The following AKAP17A variants were observed in gnomAD, a reference collection of about 807,000 sequenced individuals.
The protein encoded by AKAP17A is A-kinase anchor protein 17A.
In AKAP17A, 15 loss-of-function variants were observed where a neutral mutation model predicts 52.2. That is an observed-to-expected ratio of 0.29 (90% CI 0.19 to 0.44). The LOEUF (loss-of-function observed/expected upper bound fraction) is 0.44. Ranked by LOEUF, AKAP17A falls within the 20% of genes least tolerant of loss-of-function variation. AKAP17A has a pLI of 1.00. For missense variants in AKAP17A, 1,060 were observed against 1,007.0 expected (o/e 1.05, Z -0.71); for synonymous variants, 514 against 424.7 (o/e 1.21, Z -2.58).
Position 1,599,367 on chromosome X carries a change from C to T in AKAP17A, c.1087C>T (p.Leu363=). Reference sequence around the variant, plus strand: ...GAAGATCAAGCTGGAGGAGCGCAAGCTGCTGCTGGCCCAGAGGAACCTGCA... The same window carrying T: ...GAAGATCAAGCTGGAGGAGCGCAAGTTGCTGCTGGCCCAGAGGAACCTGCA... ...QEKIKLEERK[L]LLAQRNLQSI... Residue 363 remains leucine (L), a synonymous_variant, in exon 4 of 5, where the codon CTG becomes TTG. Coordinates refer to ENST00000313871, the MANE Select transcript of AKAP17A (RefSeq NM_005088.3). 1 of 1,587,354 alleles carries T rather than the reference C, an allele frequency of 6.3e-7. No individual in the cohort carries two copies. The highest frequency in any genetic ancestry group is 8.6e-7 in the Non-Finnish European group (1 of 1,168,026).
chrX:1,596,246 A>G (rs1405406078), intron 3 of AKAP17A, among the ~76,000 whole-genome samples: 2 of 150,328 alleles, frequency 1.3e-5, no homozygotes, highest in African/African-American at 4.9e-5. Context: ...AAAAAAAACA[A>G]AAAACCAATG....
chrX:1,597,897 T>G (rs188526225), intron 3 of AKAP17A, among the ~76,000 whole-genome samples: 1 of 151,986 alleles, frequency 6.6e-6, no homozygotes, highest in Non-Finnish European at 1.5e-5. Flanking sequence ...GCAGGCCTGT[T>G]GTCTGGGGGA....
intron 3 of AKAP17A, among the ~76,000 whole-genome samples, chrX:1,597,368 C>A (rs1362052256): frequency 3.3e-5 from 5 of 152,158 alleles, no homozygotes; most frequent in African/African-American, 1.2e-4. Context: ...CGTCAGGATT[C>A]CCAGGACCTA....
Position 1,593,428 on chromosome X carries a change from G to A in AKAP17A, c.-19-16G>A. The A allele has an allele frequency of 6.3e-7, 1 of 1,591,514 alleles. No individual in the cohort carries two copies. The highest frequency in any genetic ancestry group is 8.6e-7 in the Non-Finnish European group (1 of 1,166,674). On this transcript the variant is annotated splice_polypyrimidine_tract_variant and intron_variant, in intron 1 of 4. Transcript: ENST00000313871. ...TGGGGGGTGCTGGTGCTGACTGTCT[G>A]CGTCTTATGTTTCAGGCCCAAGGTC...
Position 1,594,168 on chromosome X carries a change from G to A in AKAP17A, c.706G>A (p.Gly236Arg). 9 of 1,595,386 alleles carry A rather than the reference G, an allele frequency of 5.6e-6. No homozygotes were observed. Among genetic ancestry groups the A allele is most frequent in the Non-Finnish European group, 7.7e-6 (9 of 1,168,990 alleles). ...CATCCAGGCCATGAGCGCCCTGCGC[G>A]GGATGAAACTCATGTACAAGGGCGA... Reference protein sequence around the residue: ...GFIQAMSALRGMKLMYKGEDG... With the variant: ...GFIQAMSALRRMKLMYKGEDG... Residue 236 changes from glycine to arginine, a missense_variant, in exon 2 of 5, where the codon GGG (glycine) becomes AGG (arginine). Transcript: ENST00000313871.
Position 1,594,256 on chromosome X carries a change from T to C in AKAP17A, c.762+32T>C, listed in dbSNP as rs748846715. ...CCTGGGCACCGAGAGAGCCACGCGC[T>C]TCCTCCCTCTGGCGACTTCCTTCCA... On this transcript the variant is annotated intron_variant, in intron 2 of 4. Coordinates refer to ENST00000313871, the MANE Select transcript of AKAP17A (RefSeq NM_005088.3). 3.3e-6 allele frequency: 5 copies of C among 1,499,024 alleles called. No homozygotes were observed. The Admixed American group carries it at 1.2e-4, about 35-fold the overall frequency. The allele number at this position is 1,499,024 out of a possible 1,614,324, so 92.9% of individuals were successfully genotyped here.
intron 3 of AKAP17A, among the ~76,000 whole-genome samples, chrX:1,597,906 G>A (rs1362862875): frequency 6.6e-6 from 1 of 152,148 alleles, no homozygotes; most frequent in Non-Finnish European, 1.5e-5. Context: ...TTGTCTGGGG[G>A]AGCTGGCCAG....
intron 4 of AKAP17A, chrX:1,599,668 T>G: frequency 1.5e-6 from 1 of 688,874 alleles, no homozygotes; most frequent in Non-Finnish European, 2.6e-6. Flanking sequence ...TGCATTCAGG[T>G]TCCCCGAGCA....
chrX:1,601,605 G>A lies in AKAP17A; in HGVS notation c.*11G>A, dbSNP rs368887320. 27 of 1,416,050 alleles carry A rather than the reference G, an allele frequency of 1.9e-5. No homozygotes were observed. In the African/African-American group the frequency reaches 2.1e-4, roughly 11 times the overall value. 87.7% of individuals were successfully genotyped at this position (1,416,050 alleles called of 1,614,324 possible). A position where few individuals can be genotyped will look rare whatever the true frequency, so the allele number is the denominator to read the frequency against. On this transcript the variant is annotated 3_prime_UTR_variant, in exon 5 of 5. Transcript: ENST00000313871. ...ACCTGGAACAGGTAATGACGGGCACGGCCTCCCCACGGCCTGTCCGGGAAA... is the reference window on the plus strand; with the variant it reads ...ACCTGGAACAGGTAATGACGGGCACAGCCTCCCCACGGCCTGTCCGGGAAA...
intron 3 of AKAP17A, among the ~76,000 whole-genome samples, chrX:1,597,752 G>A (rs1329429730): frequency 2.0e-5 from 3 of 151,998 alleles, no homozygotes; most frequent in Non-Finnish European, 2.9e-5. Flanking sequence ...AGAGATGGAC[G>A]TTGGAGTAGT....
intron 1 of AKAP17A, among the ~76,000 whole-genome samples, chrX:1,592,979 C>A (rs780923678): frequency 6.6e-6 from 1 of 152,296 alleles, no homozygotes; most frequent in East Asian, 1.9e-4. Context: ...AGGGCCGCCG[C>A]CCCCTCCACA....
At position 1,594,177 on chromosome X, in the gene AKAP17A, C is replaced by T; in HGVS notation, c.715C>T (p.Leu239Phe). The change falls in exon 2 of 5, where the codon CTC (leucine) becomes TTC (phenylalanine). Residue 239 changes from leucine to phenylalanine, a missense_variant. Physicochemically the swap from Leu to Phe is conservative, Grantham distance 22. Coordinates refer to ENST00000313871, the MANE Select transcript of AKAP17A (RefSeq NM_005088.3). ...QAMSALRGMK[L>F]MYKGEDGKAV... is the part of the protein sequence containing the mutation. ...CATGAGCGCCCTGCGCGGGATGAAA[C>T]TCATGTACAAGGGCGAGGACGGCAA... The T allele has an allele frequency of 1.3e-6, 2 of 1,589,318 alleles. No individual in the cohort carries two copies. The highest frequency in any genetic ancestry group is 1.7e-6 in the Non-Finnish European group (2 of 1,165,244).
At chrX:1,595,003 G>C (rs1932914806) in intron 2 of AKAP17A, among the ~76,000 whole-genome samples, 1 of 152,228 alleles carries the variant, frequency 6.6e-6, no homozygotes, top group African/African-American at 2.4e-5. Flanking sequence ...GATGTGCCCT[G>C]TGGGTGTGGG....
rs753709057 is a variant in AKAP17A, at chrX:1,600,937, C to T, written c.1431C>T (p.Gly477=). ...VLDILQTVSS[G]CVSATTLHPL... is the part of the protein sequence containing the mutation. Reference sequence around the variant, plus strand: ...ACATCCTGCAGACCGTGTCGTCCGGCTGTGTGAGCGCCACCACGCTGCACC... The same window carrying T: ...ACATCCTGCAGACCGTGTCGTCCGGTTGTGTGAGCGCCACCACGCTGCACC... Residue 477 remains glycine (G), a synonymous_variant, in exon 5 of 5, where the codon GGC becomes GGT. Transcript: ENST00000313871. 2 of 1,578,972 alleles carry T rather than the reference C, an allele frequency of 1.3e-6. No homozygotes were observed. The highest frequency in any genetic ancestry group is 8.6e-7 in the Non-Finnish European group (1 of 1,165,590).
Position 1,601,409 on chromosome X carries a change from C to G in AKAP17A, c.1903C>G (p.Arg635Gly). ...KKHAYKDDSP[R>G]RRSTSPDHTR... ...GCACGCCTACAAGGATGACAGCCCCCGCCGGCGCAGCACGAGCCCGGACCA... is the reference window on the plus strand; with the variant it reads ...GCACGCCTACAAGGATGACAGCCCCGGCCGGCGCAGCACGAGCCCGGACCA... Residue 635 changes from arginine to glycine, a missense_variant, in exon 5 of 5, where the codon CGC becomes GGC. Arg to Gly is a moderately radical substitution (Grantham distance 125). This residue lies in a region of AKAP17A where 793 missense variants were observed against 629.9 expected (regional missense o/e 1.26). Coordinates refer to ENST00000313871, the MANE Select transcript of AKAP17A (RefSeq NM_005088.3). The G allele has an allele frequency of 6.4e-7, 1 of 1,564,320 alleles. No homozygotes were observed. Among genetic ancestry groups the G allele is most frequent in the Non-Finnish European group, 8.6e-7 (1 of 1,162,668 alleles).
intron 3 of AKAP17A, among the ~76,000 whole-genome samples, chrX:1,596,412 C>A (rs1298204615): frequency 5.3e-5 from 8 of 151,696 alleles, no homozygotes; most frequent in African/African-American, 1.9e-4. Context: ...TTCTGTGAAT[C>A]CCCTGAGGCG....
Position 1,601,690 on chromosome X carries a change from A to C in AKAP17A, c.*96A>C, listed in dbSNP as rs186169019. The C allele has an allele frequency of 9.1e-4, 1,107 of 1,212,378 alleles. 1 individual carries two copies. The highest frequency in any genetic ancestry group is 1.4e-3 in the Admixed American group (40 of 27,842). 75.1% of individuals were successfully genotyped at this position (1,212,378 alleles called of 1,614,324 possible). On this transcript the variant is annotated 3_prime_UTR_variant, in exon 5 of 5. Coordinates refer to ENST00000313871, the MANE Select transcript of AKAP17A (RefSeq NM_005088.3). ...TGGCCGCTCTCCGTCCACCCCTGCAAAGCCAAGACCCTTCTGCAGCCACGA... is the reference window on the plus strand; with the variant it reads ...TGGCCGCTCTCCGTCCACCCCTGCACAGCCAAGACCCTTCTGCAGCCACGA...
rs1303400747 is a variant in AKAP17A at position 1,593,502 on chromosome X, G to A, written c.40G>A (p.Val14Met). Reference sequence around the variant, plus strand: ...CATCGTGCACGACACGTCTGAGGCCGTGGAGCTCTGCCCTGCTTACGGCTT... The same window carrying A: ...CATCGTGCACGACACGTCTGAGGCCATGGAGCTCTGCCCTGCTTACGGCTT... ...ATIVHDTSEA[V>M]ELCPAYGLYL... Residue 14 changes from valine (V) to methionine (M), a missense_variant, in exon 2 of 5, where the codon GTG (valine) becomes ATG (methionine). Val to Met is a conservative substitution (Grantham distance 21). Around this residue, in one of 2 missense-constraint regions of AKAP17A, gnomAD observed 267 missense variants for 377.1 expected, o/e 0.71. Coordinates refer to ENST00000313871, the MANE Select transcript of AKAP17A (RefSeq NM_005088.3). The A allele has an allele frequency of 3.7e-6, 6 of 1,613,630 alleles. No individual in the cohort carries two copies. The highest frequency in any genetic ancestry group is 5.1e-6 in the Non-Finnish European group (6 of 1,179,860).
rs1932921997 is a variant in AKAP17A at position 1,595,242 on chromosome X, G to A, written c.763-142G>A. 2.6e-5 allele frequency: 5 copies of A among 194,666 alleles called. 2 individuals are homozygous for A. The highest frequency in any genetic ancestry group is 4.2e-4 in the East Asian group (2 of 4,740). 12.1% of individuals were successfully genotyped at this position (194,666 alleles called of 1,614,324 possible). A position where few individuals can be genotyped will look rare whatever the true frequency, so the allele number is the denominator to read the frequency against. The stretch of plus-strand genomic sequence containing the variant: ...GGGCTCCACTGTCTGGGTCTGCACC[G>A]GACATGAGTGGTGAGCGGTGAGCGG... On this transcript the variant is annotated intron_variant, in intron 2 of 4. Coordinates refer to ENST00000313871, the MANE Select transcript of AKAP17A (RefSeq NM_005088.3).
Sources: allele counts gnomAD v4.1 joint callset (sites outside exome capture counted in the v4.1 genomes callset), GRCh38; gene constraint gnomAD v4.1.1; regional missense constraint gnomAD v4.1.1; transcripts MANE v1.5; gene names NCBI Gene and HGNC (gene_info 2026-07-23, HGNC 2026-07-21).